Variants in ADGRV1 observed in about 807,000 individuals in gnomAD.
ADGRV1 encodes the protein G-protein coupled receptor 98.
ADGRV1 carries 359 observed loss-of-function variants against 596.2 expected under a neutral mutation model. That is an observed-to-expected ratio of 0.60 (90% confidence interval 0.55 to 0.66). ADGRV1 has a LOEUF of 0.66. Ranked by LOEUF, ADGRV1 falls within the 30% of genes least tolerant of loss-of-function variation. ADGRV1 has a pLI of 0.00. For synonymous variants in ADGRV1, 2,681 were observed against 2,679.2 expected (o/e 1.00, Z -0.02); for missense variants, 7,274 against 7,575.6 (o/e 0.96, Z 1.48).
chr5:90,752,697 G>A (rs1231428470), intron 53 of ADGRV1, among the ~76,000 whole-genome samples: 1 of 152,146 alleles, frequency 6.6e-6, no homozygotes, highest in East Asian at 1.9e-4. Flanking sequence ...TCCCATTACT[G>A]GGTATATACT....
intron 85 of ADGRV1, among the ~76,000 whole-genome samples, chr5:91,019,523 A>G (rs1249872717): frequency 6.6e-6 from 1 of 152,048 alleles, no homozygotes; most frequent in East Asian, 1.9e-4. Flanking sequence ...CCCTTGGCTA[A>G]CAGCAACAGA....
At position 90,712,276 on chromosome 5, in the gene ADGRV1, T is replaced by C; in HGVS notation, c.9043-11T>C. 2 of 1,497,258 alleles carry C rather than the reference T, an allele frequency of 1.3e-6. No individual in the cohort carries two copies. Among genetic ancestry groups the C allele is most frequent in the Non-Finnish European group, 1.8e-6 (2 of 1,108,940 alleles). 92.7% of individuals were successfully genotyped at this position (1,497,258 alleles called of 1,614,324 possible). A position where few individuals can be genotyped will look rare whatever the true frequency, so the allele number is the denominator to read the frequency against. On this transcript the variant is annotated splice_polypyrimidine_tract_variant and intron_variant, in intron 41 of 89. Coordinates refer to ENST00000405460, the MANE Select transcript of ADGRV1 (RefSeq NM_032119.4). ...AAATATAATACATTCTGCTTTTACC[T>C]TTTTGACCAGATTCTTCATTTTGCT...
At chr5:91,162,076 T>A (rs1462059039) in intron 89 of ADGRV1, among the ~76,000 whole-genome samples, 1 of 152,118 alleles carries the variant, frequency 6.6e-6, no homozygotes, top group Non-Finnish European at 1.5e-5. Flanking sequence ...GAACTAACAC[T>A]CGTTCTTGAG....
chr5:91,008,061 G>A (rs938980669), intron 85 of ADGRV1, among the ~76,000 whole-genome samples: 3 of 151,954 alleles, frequency 2.0e-5, no homozygotes, highest in Non-Finnish European at 4.4e-5. Flanking sequence ...CTTTTCTAAT[G>A]GCTTTAACCC....
intron 74 of ADGRV1, among the ~76,000 whole-genome samples, chr5:90,811,930 T>A (rs972633466): frequency 5.9e-5 from 5 of 85,434 alleles, no homozygotes; most frequent in Non-Finnish European, 1.3e-4. Context: ...CATACTGTAT[T>A]TTTTTTTTTT....
intron 83 of ADGRV1, 63 bp from the exon 84 acceptor site, chr5:90,965,352 C>T: frequency 9.4e-7 from 1 of 1,063,522 alleles, no homozygotes; most frequent in Admixed American, 1.7e-5. Flanking sequence ...AAGCAGTTTA[C>T]TTTCTTAATA....
chr5:90,851,134 T>TGTGTGTGAGAGAGAGAGAGAGAGA lies in ADGRV1; in HGVS notation c.17205-2149_17205-2148insTGTGTGAGAGAGAGAGAGAGAGAG, dbSNP rs757909771. ...GTGTGTGTGTGTGTGTGTGTGTGTG[T>TGTGTGTGAGAGAGAGAGAGAGAGA]GAGAGAGAGAGAGAGAGAGAGAGAG... On this transcript the variant is annotated intron_variant, in intron 79 of 89. Transcript: ENST00000405460. 4.7e-4 allele frequency among the ~76,000 whole-genome samples: 38 copies of TGTGTGTGAGAGAGAGAGAGAGAGA among 81,508 alleles called. 1 individual carries two copies. Among genetic ancestry groups the TGTGTGTGAGAGAGAGAGAGAGAGA allele is most frequent in the Admixed American group, 4.4e-3 (24 of 5,394 alleles). The allele number at this position is 81,508 out of a possible 152,430, so 53.5% of individuals were successfully genotyped here.
chr5:90,728,897 G>T lies in ADGRV1; in HGVS notation c.10390G>T (p.Asp3464Tyr). The T allele has an allele frequency of 1.2e-6, 2 of 1,612,836 alleles. No homozygotes were observed. The highest frequency in any genetic ancestry group is 1.7e-6 in the Non-Finnish European group (2 of 1,179,446). The change falls in exon 49 of 90, where the codon GAT (aspartate) becomes TAT (tyrosine). Residue 3464 changes from aspartate to tyrosine, a missense_variant. By Grantham distance (160) the Asp-to-Tyr change is radical. Transcript: ENST00000405460. ...TEVEALSSAN[D>Y]IYLIFAENVF... ...AGTTGAGGCTTTGTCTTCAGCCAAT[G>T]ATATTTACCTAATATTTGCCGAAAA...
chr5:90,677,266 A>T (rs1157115062), intron 25 of ADGRV1, among the ~76,000 whole-genome samples: 1 of 152,204 alleles, frequency 6.6e-6, no homozygotes, highest in Non-Finnish European at 1.5e-5. Context: ...TTGGGTAAAT[A>T]TGCAAAAATT....
intron 83 of ADGRV1, among the ~76,000 whole-genome samples, chr5:90,927,054 G>C (rs1774559956): frequency 2.0e-5 from 3 of 146,782 alleles, no homozygotes; most frequent in South Asian, 2.2e-4. Flanking sequence ...TTACTTCCAA[G>C]TATGTGGTCA....
At chr5:90,816,474 G>A (rs577407503) in intron 75 of ADGRV1, among the ~76,000 whole-genome samples, 3 of 149,470 alleles carry the variant, frequency 2.0e-5, no homozygotes, top group Non-Finnish European at 3.0e-5. Context: ...GGTTTGTTAC[G>A]TATGTACACA....
At position 90,689,477 on chromosome 5, in the gene ADGRV1, A is replaced by T. The variant is rs116814020; in HGVS notation, c.6491-384A>T. Among the ~76,000 whole-genome samples the T allele has an allele frequency of 7.9e-3, 1,194 of 151,432 alleles. 4 individuals are homozygous for T. The highest frequency in any genetic ancestry group is 0.013 in the Non-Finnish European group (855 of 67,938). The stretch of plus-strand genomic sequence containing the variant: ...CCATATCTGTGCAGTGGTATAATTT[A>T]TCTTTCCAGTGGCATTACAATTCTA... On this transcript the variant is annotated intron_variant, in intron 29 of 89. Transcript: ENST00000405460.
chr5:91,085,714 C>T (rs188165470), intron 86 of ADGRV1, among the ~76,000 whole-genome samples: 145 of 152,292 alleles, frequency 9.5e-4, no homozygotes, highest in African/African-American at 3.1e-3. Flanking sequence ...TCCACAACTG[C>T]CTCACATCTT....
At chr5:90,643,325 G>C (rs936603560) in intron 13 of ADGRV1, among the ~76,000 whole-genome samples, 1 of 151,902 alleles carries the variant, frequency 6.6e-6, no homozygotes, top group Non-Finnish European at 1.5e-5. Context: ...TCATGTTAAG[G>C]CTTCCTTTAG....
rs1288488786 is a variant in ADGRV1, at chr5:90,791,291, T to C, written c.14462T>C (p.Leu4821Pro). 2 of 1,600,406 alleles carry C rather than the reference T, an allele frequency of 1.2e-6. No homozygotes were observed. The highest frequency in any genetic ancestry group is 2.7e-5 in the African/African-American group (2 of 74,740). ...GTTACCGAAAATGCAGAGAGGCAGC[T>C]GGTGGTCAAAGATGGTGCCACATAT... ...PIVTENAERQ[L>P]VVKDGATYKV... The change falls in exon 70 of 90, where the codon CTG becomes CCG. Residue 4821 changes from leucine to proline, a missense_variant. Leu to Pro is a moderately conservative substitution (Grantham distance 98). Around this residue, in one of 5 missense-constraint regions of ADGRV1, gnomAD observed 1,874 missense variants for 1,970.2 expected, o/e 0.95. Coordinates refer to ENST00000405460, the MANE Select transcript of ADGRV1 (RefSeq NM_032119.4).
At chr5:90,639,106 A>G (rs1183002802) in intron 11 of ADGRV1, among the ~76,000 whole-genome samples, 5 of 148,584 alleles carry the variant, frequency 3.4e-5, no homozygotes, top group South Asian at 2.1e-4. Flanking sequence ...ACGCTCGCGC[A>G]CACACACACA....
chr5:90,797,818 C>A (rs564447326), intron 70 of ADGRV1, among the ~76,000 whole-genome samples: 1 of 152,156 alleles, frequency 6.6e-6, no homozygotes, highest in Admixed American at 6.5e-5. Flanking sequence ...GATTGGGAAA[C>A]TCACTCAAAA....
chr5:90,605,091 T>C (rs1761916978), intron 1 of ADGRV1, among the ~76,000 whole-genome samples: 1 of 152,158 alleles, frequency 6.6e-6, no homozygotes, highest in African/African-American at 2.4e-5. Context: ...ATGGAAAATG[T>C]CAAGCTTAAA....
At chr5:91,052,036 A>G (rs532269576) in intron 85 of ADGRV1, among the ~76,000 whole-genome samples, 1 of 152,294 alleles carries the variant, frequency 6.6e-6, no homozygotes, top group Non-Finnish European at 1.5e-5. Flanking sequence ...CTATTTATTT[A>G]ATAATTATTA....
Sources: allele counts gnomAD v4.1 joint callset (sites outside exome capture counted in the v4.1 genomes callset), GRCh38; gene constraint gnomAD v4.1.1; regional missense constraint gnomAD v4.1.1; transcripts MANE v1.5; gene names NCBI Gene and HGNC (gene_info 2026-07-23, HGNC 2026-07-21).